The following PRKG1 variants were observed in gnomAD, a reference collection of about 807,000 sequenced individuals.
The protein encoded by PRKG1 is cGMP-dependent protein kinase 1.
A neutral mutation model predicts 88.1 loss-of-function variants in PRKG1; 35 were observed. The observed-to-expected ratio is 0.40, with a 90% confidence interval of 0.30 to 0.53. The LOEUF (loss-of-function observed/expected upper bound fraction) is 0.53, where lower values mean the gene tolerates loss of function less well. PRKG1 is among the 20% of genes least tolerant of loss of function. The pLI, the probability that PRKG1 is intolerant of heterozygous loss-of-function variation, is 0.59. For missense variants in PRKG1, 540 were observed against 839.8 expected, an observed-to-expected ratio of 0.64 and a Z score of 4.41; for synonymous variants, 303 against 292.5, an observed-to-expected ratio of 1.04 and a Z score of -0.37.
chr10:51,374,093 A>AAAAATATATATATATATATATAT lies in PRKG1; in HGVS notation c.479-93629_479-93628insAAATATATATATATATATATATA. On this transcript the variant is annotated intron_variant, in intron 2 of 17. Coordinates refer to ENST00000373980, the MANE Select transcript of PRKG1 (RefSeq NM_006258.4). Reference sequence around the variant, plus strand: ...GCTGGCAGAGGTTGCAAAAAAAAAAAATATATATATATATATATATGTACT... The same window carrying AAAAATATATATATATATATATAT: ...GCTGGCAGAGGTTGCAAAAAAAAAAAAAAATATATATATATATATATATATATATATATATATATATATGTACT... Among the ~76,000 whole-genome samples the AAAAATATATATATATATATATAT allele has an allele frequency of 1.8e-3, 181 of 100,062 alleles. 2 individuals carry two copies. The highest frequency in any genetic ancestry group is 2.7e-3 in the Non-Finnish European group (122 of 45,312). The allele number at this position is 100,062 out of a possible 152,430, so 65.6% of individuals were successfully genotyped here.
intron 2 of PRKG1, among the ~76,000 whole-genome samples, chr10:51,400,718 T>C (rs1375133181): frequency 6.6e-6 from 1 of 152,234 alleles, no homozygotes; most frequent in Non-Finnish European, 1.5e-5. Flanking sequence ...TGTTTGGTTC[T>C]TCTTAGTTTT....
intron 17 of PRKG1, among the ~76,000 whole-genome samples, chr10:52,291,793 G>T (rs1287317733): frequency 6.6e-6 from 1 of 151,808 alleles, no homozygotes; most frequent in Non-Finnish European, 1.5e-5. Flanking sequence ...GGGTCAAATG[G>T]TATTTCTAGT....
chr10:51,605,926 C>T (rs1327110277), intron 3 of PRKG1, among the ~76,000 whole-genome samples: 3 of 152,132 alleles, frequency 2.0e-5, no homozygotes, highest in Admixed American at 6.5e-5. Flanking sequence ...GTTTACTCAT[C>T]TTTAAAATGT....
chr10:52,053,735 C>T (rs533550500), intron 5 of PRKG1, among the ~76,000 whole-genome samples: 4 of 152,260 alleles, frequency 2.6e-5, no homozygotes, highest in South Asian at 4.1e-4. Context: ...AATCCTTTTG[C>T]GGCCTTACCT....
chr10:51,300,481 C>T (rs1840854074), intron 2 of PRKG1, among the ~76,000 whole-genome samples: 1 of 152,154 alleles, frequency 6.6e-6, no homozygotes, highest in Non-Finnish European at 1.5e-5. Flanking sequence ...TGCTGGGATG[C>T]TGAGTTCCGA....
rs561472623 is a variant in PRKG1, at chr10:51,586,515, G to A, written c.592+118679G>A. On this transcript the variant is annotated intron_variant, in intron 3 of 17. Transcript: ENST00000373980. ...TATGTGTTTATGCATTTCCTGCAAT[G>A]ATAGAATTTCCTTTTTGTTCTCCCT... Among the ~76,000 whole-genome samples the A allele has an allele frequency of 2.0e-5, 3 of 152,216 alleles. No individual in the cohort carries two copies. The East Asian group carries it at 5.8e-4, about 29-fold the overall frequency.
chr10:51,582,020 G>A (rs766303735), intron 3 of PRKG1, among the ~76,000 whole-genome samples: 10 of 151,966 alleles, frequency 6.6e-5, no homozygotes, highest in Non-Finnish European at 1.3e-4. Context: ...TTTCTAGAAG[G>A]AATATGCTAA....
rs1263480587 is a variant in PRKG1, at chr10:52,222,104, G to C, written c.1077-29466G>C. 3.9e-5 allele frequency among the ~76,000 whole-genome samples: 6 copies of C among 152,110 alleles called. 1 individual carries two copies. Among genetic ancestry groups the C allele is most frequent in the Non-Finnish European group, 7.4e-5 (5 of 68,010 alleles). Reference sequence around the variant, plus strand: ...TTGGGTGAGTGGGTAAGGAGGCCTTGCTTCCGGTAAACACTCCTTGATGTT... The same window carrying C: ...TTGGGTGAGTGGGTAAGGAGGCCTTCCTTCCGGTAAACACTCCTTGATGTT... On this transcript the variant is annotated intron_variant, in intron 9 of 17. Coordinates refer to ENST00000373980, the MANE Select transcript of PRKG1 (RefSeq NM_006258.4).
chr10:51,625,677 G>A (rs114612929), intron 3 of PRKG1, among the ~76,000 whole-genome samples: 1,531 of 151,544 alleles, frequency 0.01, 28 homozygotes, highest in African/African-American at 0.036. Flanking sequence ...TAAAATGGGT[G>A]GAGTTTATGA....
chr10:51,418,918 A>T (rs1838324904), intron 2 of PRKG1, among the ~76,000 whole-genome samples: 1 of 152,200 alleles, frequency 6.6e-6, no homozygotes, highest in Non-Finnish European at 1.5e-5. Context: ...ATTGTTTAGG[A>T]TTGCAGATAC....
chr10:51,412,170 G>C (rs1838104784), intron 2 of PRKG1, among the ~76,000 whole-genome samples: 1 of 103,940 alleles, frequency 9.6e-6, no homozygotes, highest in Admixed American at 9.9e-5. Flanking sequence ...GCTGATTAAA[G>C]GAGAGAGAGT....
chr10:51,818,128 A>G (rs1050334986), intron 4 of PRKG1, among the ~76,000 whole-genome samples: 2 of 152,218 alleles, frequency 1.3e-5, no homozygotes, highest in Admixed American at 6.5e-5. Context: ...TATAGAATTA[A>G]CCTAAATCAG....
chr10:51,255,835 C>A (rs1839543725), intron 2 of PRKG1, among the ~76,000 whole-genome samples: 1 of 152,016 alleles, frequency 6.6e-6, no homozygotes, highest in South Asian at 2.1e-4. Flanking sequence ...TGATGGTGAA[C>A]GTCAACTTAC....
chr10:52,016,755 A>G (rs1005805670), intron 5 of PRKG1, among the ~76,000 whole-genome samples: 1 of 152,190 alleles, frequency 6.6e-6, no homozygotes, highest in African/African-American at 2.4e-5. Flanking sequence ...TATAGTATTT[A>G]CATTCTGGTG....
At chr10:52,180,426 G>T (rs1159172665) in intron 9 of PRKG1, among the ~76,000 whole-genome samples, 1 of 152,172 alleles carries the variant, frequency 6.6e-6, no homozygotes, top group African/African-American at 2.4e-5. Context: ...ATTTGGACGT[G>T]TAGTGTTGTC....
rs546965136 is a variant in PRKG1, at chr10:52,109,750, C to G, written c.936-24090C>G. ...TGCACTCCAGCCTGGGTGACAGAGC[C>G]AGACTCCATCTCAAAAAAAAATCTT... On this transcript the variant is annotated intron_variant, in intron 7 of 17. Coordinates refer to ENST00000373980, the MANE Select transcript of PRKG1 (RefSeq NM_006258.4). Among the ~76,000 whole-genome samples the G allele has an allele frequency of 3.3e-3, 501 of 150,888 alleles. 2 individuals are homozygous for G. The highest frequency in any genetic ancestry group is 0.011 in the African/African-American group (464 of 40,550).
rs143835060 is a variant in PRKG1, at chr10:51,154,680, A to G, written c.478+1350A>G. On this transcript the variant is annotated intron_variant, in intron 2 of 17. Transcript: ENST00000373980. Reference sequence around the variant, plus strand: ...ATTCAGTTTTTAAGTAGTAATTTCTATCATTTTTTTCCCTTATAGTTTTCA... The same window carrying G: ...ATTCAGTTTTTAAGTAGTAATTTCTGTCATTTTTTTCCCTTATAGTTTTCA... Among the ~76,000 whole-genome samples, 344 of 152,082 alleles carry G rather than the reference A, an allele frequency of 2.3e-3. 2 individuals are homozygous for G. The highest frequency in any genetic ancestry group is 7.9e-3 in the African/African-American group (328 of 41,522).
intron 3 of PRKG1, among the ~76,000 whole-genome samples, chr10:51,471,266 G>A (rs773574376): frequency 1.4e-4 from 21 of 151,894 alleles, no homozygotes; most frequent in African/African-American, 2.9e-4. Context: ...GGAAAGAATC[G>A]CTTGTTATAG....
intron 2 of PRKG1, among the ~76,000 whole-genome samples, chr10:51,410,637 A>G (rs983059581): frequency 6.6e-6 from 1 of 152,130 alleles, no homozygotes; most frequent in Non-Finnish European, 1.5e-5. Flanking sequence ...GCATCTTTCA[A>G]TCCAATCCAG....
Sources: gnomAD v4.1 joint callset for allele counts (sites outside exome capture counted in the v4.1 genomes callset) on GRCh38, gnomAD v4.1.1 for gene constraint, MANE v1.5 for transcripts, NCBI Gene and HGNC (gene_info 2026-07-23, HGNC 2026-07-21) for gene names.